Variants in BRINP2 observed in about 807,000 individuals in gnomAD.
The protein encoded by BRINP2 is BMP/retinoic acid inducible neural specific 2, also known as BMP/retinoic acid-inducible neural-specific protein 2.
In BRINP2, 21 loss-of-function variants were observed where a neutral mutation model predicts 69.2. The observed-to-expected ratio is 0.30, with a 90% CI of 0.22 to 0.44. BRINP2 has a LOEUF of 0.44. Among genes scored for constraint, BRINP2 ranks in the 20% least tolerant of loss-of-function variants. BRINP2 has a pLI of 1.00. For synonymous variants in BRINP2, 380 were observed against 394.1 expected (o/e 0.96, Z 0.42); for missense variants, 877 against 986.0 (o/e 0.89, Z 1.48).
intron 2 of BRINP2, among the ~76,000 whole-genome samples, chr1:177,232,933 A>C (rs542955367): frequency 6.6e-6 from 1 of 152,326 alleles, no homozygotes; most frequent in East Asian, 1.9e-4. Flanking sequence ...TTATAAGCGG[A>C]TGCACTGTGG....
intron 1 of BRINP2, among the ~76,000 whole-genome samples, chr1:177,174,743 T>C (rs1648037722): frequency 6.6e-6 from 1 of 152,190 alleles, no homozygotes; most frequent in African/African-American, 2.4e-5. Flanking sequence ...CTACCTTTCT[T>C]TTCTGCATTC....
chr1:177,221,112 T>C (rs1218550800), intron 1 of BRINP2, among the ~76,000 whole-genome samples: 1 of 152,212 alleles, frequency 6.6e-6, no homozygotes, highest in Non-Finnish European at 1.5e-5. Flanking sequence ...CTGTAGCTGT[T>C]AGATTTATAG....
intron 2 of BRINP2, among the ~76,000 whole-genome samples, chr1:177,243,171 A>C (rs781436174): frequency 1.3e-5 from 2 of 152,172 alleles, no homozygotes; most frequent in Non-Finnish European, 2.9e-5. Context: ...ACAGGGAGAA[A>C]ATAAAGAGAG....
In BRINP2 at chr1:177,202,596, T is replaced by C. The variant is rs151184702; in HGVS notation, c.-76-27205T>C. Reference sequence around the variant, plus strand: ...TTGTTATAATTTCTGTTCTTTTACATTTGCTGAAGAGTGTTTTACTTCCAA... The same window carrying C: ...TTGTTATAATTTCTGTTCTTTTACACTTGCTGAAGAGTGTTTTACTTCCAA... On this transcript the variant is annotated intron_variant, in intron 1 of 7. Coordinates refer to ENST00000361539, the MANE Select transcript of BRINP2 (RefSeq NM_021165.4). Among the ~76,000 whole-genome samples the C allele has an allele frequency of 8.8e-3, 1,341 of 152,320 alleles. 13 individuals carry two copies. Among genetic ancestry groups the C allele is most frequent in the Admixed American group, 0.022 (338 of 15,298 alleles).
intron 2 of BRINP2, among the ~76,000 whole-genome samples, chr1:177,239,139 A>C (rs1650120141): frequency 1.3e-5 from 2 of 152,202 alleles, no homozygotes; most frequent in Non-Finnish European, 2.9e-5. Context: ...TTCTTTCTTT[A>C]GGCAGCCCGG....
chr1:177,175,157 C>T (rs1191137648), intron 1 of BRINP2, among the ~76,000 whole-genome samples: 9 of 152,186 alleles, frequency 5.9e-5, no homozygotes, highest in African/African-American at 9.7e-5. Flanking sequence ...CATTTAGCAG[C>T]GAGCAGGAGA....
intron 1 of BRINP2, among the ~76,000 whole-genome samples, chr1:177,205,641 T>C (rs1185301361): frequency 6.6e-6 from 1 of 152,198 alleles, no homozygotes. Flanking sequence ...GGGCCTGCTA[T>C]GCTAAGTTTA....
intron 4 of BRINP2, among the ~76,000 whole-genome samples, chr1:177,271,909 CT>C (rs976822774): frequency 1.3e-5 from 2 of 152,288 alleles, no homozygotes; most frequent in Non-Finnish European, 2.9e-5. Flanking sequence ...TCTCTCCCGA[CT>C]GTTTTTGCTC....
At chr1:177,206,596 C>T (rs1238250901) in intron 1 of BRINP2, among the ~76,000 whole-genome samples, 4 of 152,200 alleles carry the variant, frequency 2.6e-5, no homozygotes, top group East Asian at 3.9e-4. Flanking sequence ...CCTTAAAGCA[C>T]GTGGTCATGT....
Position 177,281,645 on chromosome 1 carries a change from C to T in BRINP2, c.*117C>T. 7.3e-7 allele frequency: 1 copy of T among 1,368,832 alleles called. No homozygotes were observed. Among genetic ancestry groups the T allele is most frequent in the Non-Finnish European group, 9.8e-7 (1 of 1,016,268 alleles). The allele number at this position is 1,368,832 out of a possible 1,614,324, so 84.8% of individuals were successfully genotyped here. A position where few individuals can be genotyped will look rare whatever the true frequency, so the allele number is the denominator to read the frequency against. On this transcript the variant is annotated 3_prime_UTR_variant, in exon 8 of 8. Coordinates refer to ENST00000361539, the MANE Select transcript of BRINP2 (RefSeq NM_021165.4). ...GTGCTCCCACGAGACTTTCAGCATC[C>T]AGTAGATGGGACCTCGAGGCTCGAG... is the stretch of plus-strand genomic sequence containing the variant.
At chr1:177,195,143 T>G (rs556225058) in intron 1 of BRINP2, among the ~76,000 whole-genome samples, 201 of 152,274 alleles carry the variant, frequency 1.3e-3, no homozygotes, top group South Asian at 4.6e-3. Context: ...TTCTTATTCA[T>G]TGTATTTGGT....
chr1:177,189,876 G>A (rs988764268), intron 1 of BRINP2, among the ~76,000 whole-genome samples: 3 of 152,078 alleles, frequency 2.0e-5, no homozygotes, highest in African/African-American at 7.2e-5. Flanking sequence ...TTTAAAATTG[G>A]CTTGCAAGCA....
chr1:177,249,660 A>G (rs914995552), intron 2 of BRINP2, among the ~76,000 whole-genome samples: 5 of 152,196 alleles, frequency 3.3e-5, no homozygotes, highest in African/African-American at 1.2e-4. Flanking sequence ...TGATATATAG[A>G]AAACATCCTT....
At chr1:177,216,347 C>G (rs985300980) in intron 1 of BRINP2, among the ~76,000 whole-genome samples, 1 of 152,038 alleles carries the variant, frequency 6.6e-6, no homozygotes, top group African/African-American at 2.4e-5. Flanking sequence ...TTGAGGCTAA[C>G]AGTTTAGCTT....
At chr1:177,261,288 T>G (rs1390183976) in intron 4 of BRINP2, among the ~76,000 whole-genome samples, 4 of 152,188 alleles carry the variant, frequency 2.6e-5, no homozygotes, top group African/African-American at 9.7e-5. Flanking sequence ...TGGAGACCAG[T>G]GCAGTGGCTA....
At chr1:177,274,996 C>G (rs919408510) in intron 5 of BRINP2, among the ~76,000 whole-genome samples, 11 of 152,134 alleles carry the variant, frequency 7.2e-5, no homozygotes, top group Admixed American at 2.6e-4. Context: ...GGTCAAGGGC[C>G]TAAAAATAAA....
intron 1 of BRINP2, among the ~76,000 whole-genome samples, chr1:177,197,135 C>T (rs1648770216): frequency 1.3e-5 from 2 of 152,118 alleles, no homozygotes; most frequent in African/African-American, 2.4e-5. Flanking sequence ...AAAATTGGCT[C>T]ACAGTTTTGC....
intron 4 of BRINP2, among the ~76,000 whole-genome samples, chr1:177,270,910 T>A (rs887204964): frequency 2.0e-5 from 3 of 152,198 alleles, no homozygotes; most frequent in Non-Finnish European, 4.4e-5. Context: ...GACTTCACCT[T>A]GAAATGAGGC....
Position 177,177,267 on chromosome 1 carries a change from C to T in BRINP2, c.-77+5535C>T, listed in dbSNP as rs186447655. 4.0e-5 allele frequency among the ~76,000 whole-genome samples: 6 copies of T among 151,640 alleles called. No individual in the cohort carries two copies. The South Asian group carries it at 6.3e-4, about 16-fold the overall frequency. ...CTGCACTCCAGCCTGGGCAACAGAGCGAGACTCTTTATAAAAACAAACAAA... is the reference window on the plus strand; with the variant it reads ...CTGCACTCCAGCCTGGGCAACAGAGTGAGACTCTTTATAAAAACAAACAAA... On this transcript the variant is annotated intron_variant, in intron 1 of 7. Transcript: ENST00000361539.
Sources: allele counts gnomAD v4.1 joint callset (sites outside exome capture counted in the v4.1 genomes callset), GRCh38; gene constraint gnomAD v4.1.1; transcripts MANE v1.5; gene names NCBI Gene and HGNC (gene_info 2026-07-23, HGNC 2026-07-21).